Variants in FILIP1 observed in about 807,000 individuals in gnomAD.
The protein encoded by FILIP1 is filamin-A-interacting protein 1.
In FILIP1, 61 loss-of-function variants were observed where a neutral mutation model predicts 102.1. That is an observed-to-expected ratio of 0.60 (90% confidence interval 0.49 to 0.74). The LOEUF is 0.74. Among genes scored for constraint, FILIP1 ranks in the 30% least tolerant of loss-of-function variants. FILIP1 has a pLI of 0.00. For synonymous variants in FILIP1, 491 were observed against 526.9 expected (o/e 0.93, Z 0.93); for missense variants, 1,314 against 1,441.2 (o/e 0.91, Z 1.43).
chr6:75,329,807 A>T (rs965570116), intron 4 of FILIP1, among the ~76,000 whole-genome samples: 1 of 152,208 alleles, frequency 6.6e-6, no homozygotes, highest in African/African-American at 2.4e-5. Flanking sequence ...CATAGTAGGT[A>T]TATACACTTA....
chr6:75,295,927 G>C, exon 7 of FILIP1: 2 of 1,458,958 alleles, frequency 1.4e-6, no homozygotes, highest in Non-Finnish European at 1.8e-6. Flanking sequence ...GAGTTCATTC[G>C]TAACTGGTGA....
chr6:75,408,016 C>T (rs1240406397), intron 2 of FILIP1, among the ~76,000 whole-genome samples: 1 of 152,128 alleles, frequency 6.6e-6, no homozygotes, highest in Non-Finnish European at 1.5e-5. Flanking sequence ...TTTAAAAGTG[C>T]TATTTTGGGA....
intron 4 of FILIP1, among the ~76,000 whole-genome samples, chr6:75,346,388 T>G (rs2149593694): frequency 6.6e-6 from 1 of 152,318 alleles, no homozygotes; most frequent in South Asian, 2.1e-4. Flanking sequence ...GCTCATTAAC[T>G]TTGAGAATGA....
chr6:75,301,111 T>C (rs1430160073), intron 6 of FILIP1, among the ~76,000 whole-genome samples: 1 of 152,208 alleles, frequency 6.6e-6, no homozygotes, highest in Non-Finnish European at 1.5e-5. Flanking sequence ...TCTAAGTCTA[T>C]GGCTAGTCAC....
intron 1 of FILIP1, among the ~76,000 whole-genome samples, chr6:75,459,463 A>G (rs113959255): frequency 1.3e-5 from 2 of 152,298 alleles, no homozygotes; most frequent in African/African-American, 4.8e-5. Flanking sequence ...AAAAGGGCAT[A>G]TCCTATTGAA....
At chr6:75,464,824 A>C (rs1051108835) in intron 1 of FILIP1, among the ~76,000 whole-genome samples, 1 of 152,114 alleles carries the variant, frequency 6.6e-6, no homozygotes, top group African/African-American at 2.4e-5. Flanking sequence ...CACCCCCATT[A>C]ATGCTGACTG....
At chr6:75,359,718 C>G (rs755058806) in intron 3 of FILIP1, among the ~76,000 whole-genome samples, 69 of 152,092 alleles carry the variant, frequency 4.5e-4, no homozygotes, top group Admixed American at 8.5e-4. Context: ...TTTTTGTTGC[C>G]TTGAGTCAGA....
intron 1 of FILIP1, among the ~76,000 whole-genome samples, chr6:75,484,105 C>T (rs767363969): frequency 3.2e-4 from 49 of 152,066 alleles, no homozygotes; most frequent in Non-Finnish European, 6.2e-4. Context: ...ACCTATGTGA[C>T]TCTTGTACAG....
At chr6:75,308,931 ATGT>A (rs760506726) in intron 5 of FILIP1, 34 bp from the exon 6 acceptor site, 2 of 1,608,350 alleles carry the variant, frequency 1.2e-6, no homozygotes, top group Non-Finnish European at 1.7e-6. Context: ...TACAAGGGAG[ATGT>A]TGGTGAGTTT....
At chr6:75,450,708 C>A (rs1582526283) in intron 1 of FILIP1, among the ~76,000 whole-genome samples, 1 of 149,634 alleles carries the variant, frequency 6.7e-6, no homozygotes, top group South Asian at 2.1e-4. Flanking sequence ...GTAATCTCAG[C>A]ATGTTGGGAG....
At chr6:75,441,774 T>G (rs1358443804) in intron 1 of FILIP1, among the ~76,000 whole-genome samples, 1 of 124,240 alleles carries the variant, frequency 8.0e-6, no homozygotes. Context: ...CACTTCCCAG[T>G]AGGGGCAGCC....
chr6:75,383,327 A>C (rs1775963113), intron 2 of FILIP1, among the ~76,000 whole-genome samples: 1 of 152,140 alleles, frequency 6.6e-6, no homozygotes, highest in South Asian at 2.1e-4. Context: ...ATGCATATAA[A>C]TATTGTCCCC....
At chr6:75,467,360 G>A (rs1366517248) in intron 1 of FILIP1, among the ~76,000 whole-genome samples, 1 of 152,176 alleles carries the variant, frequency 6.6e-6, no homozygotes, top group Non-Finnish European at 1.5e-5. Flanking sequence ...AATGACTAGG[G>A]TGACTGCTGA....
At chr6:75,372,384 A>T (rs891002581) in intron 2 of FILIP1, among the ~76,000 whole-genome samples, 11 of 150,726 alleles carry the variant, frequency 7.3e-5, no homozygotes, top group Admixed American at 1.3e-4. Flanking sequence ...AAAAAAAAAA[A>T]AGGAATTAAT....
At chr6:75,472,284 C>T (rs1461326942) in intron 1 of FILIP1, among the ~76,000 whole-genome samples, 4 of 151,980 alleles carry the variant, frequency 2.6e-5, no homozygotes, top group Admixed American at 6.6e-5. Context: ...TTCATTTACC[C>T]ACCCAGGGTG....
chr6:75,469,738 A>C (rs2149761992), intron 1 of FILIP1, among the ~76,000 whole-genome samples: 1 of 152,236 alleles, frequency 6.6e-6, no homozygotes, highest in Non-Finnish European at 1.5e-5. Context: ...TTATCCCAGG[A>C]ATACAAAATA....
intron 4 of FILIP1, among the ~76,000 whole-genome samples, chr6:75,340,085 C>T (rs1774372205): frequency 6.6e-6 from 1 of 151,880 alleles, no homozygotes; most frequent in Admixed American, 6.6e-5. Flanking sequence ...ACTTCCTCTC[C>T]CAAAGGATGC....
chr6:75,313,768 A>G lies in FILIP1; in HGVS notation c.2064T>C (p.Ile688=). ...CCTTCTCTATTGCTTTATTCTTGGC[A>G]ATTTGGTGCTTGATCTCCTCTAGTT... ...SQQLEEIKHQ[I]AKNKAIEKGE... is the part of the protein sequence containing the mutation. Residue 688 remains isoleucine, a synonymous_variant, in exon 5 of 6, where the codon ATT becomes ATC. Transcript: ENST00000237172. The surrounding 1 kb of genome is among the most constrained non-coding windows in gnomAD (Gnocchi z 4.2). 1 of 1,598,290 alleles carries G rather than the reference A, an allele frequency of 6.3e-7. No individual in the cohort carries two copies. The highest frequency in any genetic ancestry group is 2.2e-5 in the East Asian group (1 of 44,816).
At chr6:75,294,526 G>T (rs1445414008) in exon 7 of FILIP1, 4 of 152,140 alleles carry the variant, frequency 2.6e-5, no homozygotes, top group African/African-American at 9.7e-5. Flanking sequence ...TAGCTCTGAC[G>T]TTGAGATTTG....
Sources: allele counts gnomAD v4.1 joint callset (sites outside exome capture counted in the v4.1 genomes callset), GRCh38; gene constraint gnomAD v4.1.1; non-coding constraint Gnocchi (gnomAD v3.1); transcripts MANE v1.5; gene names NCBI Gene and HGNC (gene_info 2026-07-23, HGNC 2026-07-21).